The following CAPZB variants were observed in gnomAD, a reference collection of about 807,000 sequenced individuals.
The protein encoded by CAPZB is F-actin-capping protein subunit beta.
CAPZB carries 2 observed loss-of-function variants against 38.1 expected under a neutral mutation model. The ratio of observed to expected loss-of-function variants is 0.05; its 90% confidence interval spans 0.02 to 0.17. The LOEUF is 0.17. CAPZB is among the 10% of genes least tolerant of loss of function. The pLI is 1.00. For missense variants in CAPZB, 161 were observed against 334.2 expected (o/e 0.48, Z 4.04); for synonymous variants, 107 against 127.4 (o/e 0.84, Z 1.08).
At chr1:19,404,588 T>C (rs1379529524) in intron 2 of CAPZB, among the ~76,000 whole-genome samples, 2 of 149,578 alleles carry the variant, frequency 1.3e-5, no homozygotes, top group African/African-American at 4.9e-5. Flanking sequence ...AAATGCTCGC[T>C]TGTCATTGCA....
intron 1 of CAPZB, among the ~76,000 whole-genome samples, chr1:19,421,694 A>G (rs2094401670): frequency 6.6e-6 from 1 of 152,226 alleles, no homozygotes; most frequent in African/African-American, 2.4e-5. Context: ...CTCTAGAGAG[A>G]CATATTCAAT....
chr1:19,469,154 G>A (rs1334166578), intron 1 of CAPZB, among the ~76,000 whole-genome samples: 1 of 152,212 alleles, frequency 6.6e-6, no homozygotes, highest in Non-Finnish European at 1.5e-5. Context: ...TGGCGGTGAA[G>A]ACGGGATAGG....
At chr1:19,371,991 C>T (rs1188975326) in intron 4 of CAPZB, among the ~76,000 whole-genome samples, 1 of 152,256 alleles carries the variant, frequency 6.6e-6, no homozygotes, top group Non-Finnish European at 1.5e-5. Context: ...GGGGCCCATC[C>T]ACCCAGCTCC....
intron 1 of CAPZB, 88 bp from the exon 2 acceptor site, chr1:19,419,838 A>T (rs41264091): frequency 0.19 from 150,167 of 805,486 alleles, 16,404 homozygotes; most frequent in South Asian, 0.22. Context: ...TGCCCAAGGC[A>T]TTCTAAAACC....
intron 1 of CAPZB, among the ~76,000 whole-genome samples, chr1:19,457,214 C>A (rs780469858): frequency 2.0e-5 from 3 of 152,172 alleles, no homozygotes; most frequent in Non-Finnish European, 4.4e-5. Context: ...CTGAGGTTTA[C>A]GGCTGATTAG....
rs188389011 is a variant in CAPZB, at chr1:19,459,508, G to A, written c.3+25928C>T. Among the ~76,000 whole-genome samples the A allele has an allele frequency of 1.8e-3, 273 of 152,212 alleles. 1 individual carries two copies. Among genetic ancestry groups the A allele is most frequent in the African/African-American group, 6.3e-3 (263 of 41,526 alleles). The stretch of plus-strand genomic sequence containing the variant: ...AAAACCTTCTACCACGCCTTGCTCA[G>A]CCTCTCAGCCCCCACACCTGGGGTA... On this transcript the variant is annotated intron_variant, in intron 1 of 8. Transcript: ENST00000264202.
intron 2 of CAPZB, among the ~76,000 whole-genome samples, chr1:19,407,675 T>A (rs1223955836): frequency 1.3e-5 from 2 of 152,162 alleles, no homozygotes; most frequent in African/African-American, 4.8e-5. Context: ...GGCTTGTCCT[T>A]GGACACTGAG....
In CAPZB at chr1:19,357,359, G is replaced by C. The variant is rs142951491; in HGVS notation, c.471+63C>G. 13 of 1,493,030 alleles carry C rather than the reference G, an allele frequency of 8.7e-6. No homozygotes were observed. The East Asian group carries it at 1.4e-4, about 16-fold the overall frequency. The allele number at this position is 1,493,030 out of a possible 1,614,324, so 92.5% of individuals were successfully genotyped here. On this transcript the variant is annotated intron_variant, in intron 5 of 8. Coordinates refer to ENST00000264202, the MANE Select transcript of CAPZB (RefSeq NM_004930.5). The surrounding 1 kb of genome is among the most constrained non-coding windows in gnomAD (Gnocchi z 4.3). The stretch of plus-strand genomic sequence containing the variant: ...TACTGCATCTGTTAGAGAGCAGCGC[G>C]GCACTGGTTGGTGTGCCATCTGTAC...
chr1:19,386,286 T>C (rs1302044336), intron 2 of CAPZB, among the ~76,000 whole-genome samples: 3 of 152,200 alleles, frequency 2.0e-5, no homozygotes, highest in African/African-American at 4.8e-5. Context: ...TGGGCCAATG[T>C]TGCGACTCTG....
intron 1 of CAPZB, among the ~76,000 whole-genome samples, chr1:19,473,724 C>A (rs2094597489): frequency 6.6e-6 from 1 of 152,148 alleles, no homozygotes; most frequent in Non-Finnish European, 1.5e-5. Context: ...ATCAGCCGGG[C>A]ATAGTGGCAC....
At chr1:19,479,759 C>T (rs1225722654) in intron 1 of CAPZB, among the ~76,000 whole-genome samples, 1 of 152,182 alleles carries the variant, frequency 6.6e-6, no homozygotes, top group African/African-American at 2.4e-5. Context: ...GCTCTGCCAG[C>T]CTCCTCGAAT....
chr1:19,406,318 TTGGCAGC>T (rs1322245432), intron 2 of CAPZB, among the ~76,000 whole-genome samples: 1 of 152,136 alleles, frequency 6.6e-6, no homozygotes, highest in Non-Finnish European at 1.5e-5. Flanking sequence ...GCACTACTGC[TTGGCAGC>T]TGGCAGCTGG....
intron 1 of CAPZB, among the ~76,000 whole-genome samples, chr1:19,440,957 G>A (rs889822893): frequency 2.0e-5 from 3 of 152,178 alleles, no homozygotes. Context: ...CTACTCGGGA[G>A]ACTGAGGCAG....
intron 1 of CAPZB, among the ~76,000 whole-genome samples, chr1:19,426,723 G>C (rs1034889572): frequency 2.6e-5 from 4 of 152,210 alleles, no homozygotes; most frequent in Admixed American, 2.6e-4. Context: ...GACTGCAATA[G>C]TATGAGACCC....
chr1:19,428,334 C>T (rs1363985158), intron 1 of CAPZB, among the ~76,000 whole-genome samples: 1 of 151,598 alleles, frequency 6.6e-6, no homozygotes, highest in African/African-American at 2.4e-5. Flanking sequence ...AACTGGAAGG[C>T]GAAGGTTGCA....
intron 1 of CAPZB, among the ~76,000 whole-genome samples, chr1:19,460,861 G>A (rs140481940): frequency 1.2e-4 from 19 of 152,182 alleles, no homozygotes; most frequent in Non-Finnish European, 1.9e-4. Context: ...TGTCTACTGT[G>A]TTCTGAACAT....
intron 6 of CAPZB, among the ~76,000 whole-genome samples, chr1:19,353,860 G>T (rs1428925523): frequency 6.6e-6 from 1 of 152,244 alleles, no homozygotes; most frequent in Admixed American, 6.5e-5. Flanking sequence ...GAGCCTTGAC[G>T]CCGTGTGCGG....
chr1:19,414,571 G>A (rs2100465452), intron 2 of CAPZB, among the ~76,000 whole-genome samples: 1 of 152,292 alleles, frequency 6.6e-6, no homozygotes, highest in East Asian at 1.9e-4. Flanking sequence ...TGCAAGCAGA[G>A]ACTTTCTTGC....
chr1:19,382,315 C>G (rs2094179881), intron 3 of CAPZB, among the ~76,000 whole-genome samples: 5 of 152,126 alleles, frequency 3.3e-5, no homozygotes, highest in Admixed American at 1.3e-4. Flanking sequence ...GCACTCAGAA[C>G]ACACTTAAGA....
Sources: allele counts gnomAD v4.1 joint callset (sites outside exome capture counted in the v4.1 genomes callset), GRCh38; gene constraint gnomAD v4.1.1; non-coding constraint Gnocchi (gnomAD v3.1); transcripts MANE v1.5; gene names NCBI Gene and HGNC (gene_info 2026-07-23, HGNC 2026-07-21).